Variants in DAB2 observed in about 807,000 individuals in gnomAD.
The protein encoded by DAB2 is DAB adaptor protein 2.
In DAB2, 28 loss-of-function variants were observed where a neutral mutation model predicts 71.6. The ratio of observed to expected loss-of-function variants is 0.39; its 90% CI spans 0.29 to 0.54. DAB2 has a LOEUF of 0.54. Among genes scored for constraint, DAB2 ranks in the 20% least tolerant of loss-of-function variants. The pLI is 0.68. For synonymous variants in DAB2, 345 were observed against 339.7 expected (o/e 1.02, Z -0.17); for missense variants, 867 against 928.8 (o/e 0.93, Z 0.86).
chr5:39,406,883 G>T (rs901960327), intron 1 of DAB2, among the ~76,000 whole-genome samples: 2 of 152,190 alleles, frequency 1.3e-5, no homozygotes, highest in Middle Eastern at 3.4e-3. Flanking sequence ...GAAACCTCTA[G>T]AATTTTTCTA....
At chr5:39,410,182 A>G (rs536974630) in intron 1 of DAB2, among the ~76,000 whole-genome samples, 1 of 152,134 alleles carries the variant, frequency 6.6e-6, no homozygotes, top group Non-Finnish European at 1.5e-5. Context: ...TAGAAAAGCT[A>G]CCTGGTTATG....
chr5:39,392,153 T>G, intron 4 of DAB2: 1 of 501,362 alleles, frequency 2.0e-6, no homozygotes, highest in Non-Finnish European at 3.6e-6. Flanking sequence ...CAGACTTAGA[T>G]TCACATTTAT....
Position 39,388,344 on chromosome 5 carries a change from A to C in DAB2, c.648T>G (p.Phe216Leu). ...LKSGVDQMDL[F>L]GDMSTPPDLN... Reference sequence around the variant, plus strand: ...GGTCAGGAGGTGTAGACATGTCCCCAAACAAATCCATCTGGTCAACACCCT... The same window carrying C: ...GGTCAGGAGGTGTAGACATGTCCCCCAACAAATCCATCTGGTCAACACCCT... Residue 216 changes from phenylalanine (F) to leucine (L), a missense_variant, in exon 9 of 15, where the codon TTT becomes TTG. Physicochemically the swap from Phe to Leu is conservative, Grantham distance 22 (BLOSUM62 0). Transcript: ENST00000320816. 6.2e-7 allele frequency: 1 copy of C among 1,612,608 alleles called. No individual in the cohort carries two copies. Among genetic ancestry groups the C allele is most frequent in the Middle Eastern group, 1.7e-4 (1 of 6,048 alleles).
chr5:39,378,984 C>G (rs1021362894), intron 11 of DAB2, among the ~76,000 whole-genome samples: 1 of 152,148 alleles, frequency 6.6e-6, no homozygotes, highest in Non-Finnish European at 1.5e-5. Context: ...AAAGTTGTTG[C>G]TTGTATTTTA....
At chr5:39,420,379 T>C (rs1440753501) in intron 1 of DAB2, among the ~76,000 whole-genome samples, 1 of 152,218 alleles carries the variant, frequency 6.6e-6, no homozygotes, top group Non-Finnish European at 1.5e-5. Flanking sequence ...TCTTCTAGGT[T>C]GAAAGGTGCT....
chr5:39,388,110 A>G (rs1330069163), intron 9 of DAB2, 195 bp downstream of exon 9: 3 of 543,806 alleles, frequency 5.5e-6, no homozygotes, highest in Non-Finnish European at 9.8e-6. Context: ...CAATATTAAT[A>G]TAACTGAATT....
intron 11 of DAB2, among the ~76,000 whole-genome samples, chr5:39,380,086 C>G (rs1333907017): frequency 1.3e-5 from 2 of 152,186 alleles, no homozygotes; most frequent in Non-Finnish European, 2.9e-5. Flanking sequence ...ATTGCAAGCA[C>G]TCTGGTCTTC....
At chr5:39,417,845 C>A (rs1217123581) in intron 1 of DAB2, 1 of 152,134 alleles carries the variant, frequency 6.6e-6, no homozygotes. Flanking sequence ...TAGAAGACAG[C>A]GTGGACATTA....
intron 1 of DAB2, among the ~76,000 whole-genome samples, chr5:39,407,353 G>T (rs910666560): frequency 1.3e-5 from 2 of 152,144 alleles, no homozygotes; most frequent in African/African-American, 4.8e-5. Flanking sequence ...CTGAGAAGTC[G>T]GGACTACAGG....
At chr5:39,404,826 G>C (rs80070576) in intron 1 of DAB2, among the ~76,000 whole-genome samples, 1 of 152,140 alleles carries the variant, frequency 6.6e-6, no homozygotes, top group African/African-American at 2.4e-5. Flanking sequence ...CAATCCACCC[G>C]CCTCGGCCTC....
chr5:39,420,316 G>A (rs1298424170), intron 1 of DAB2, among the ~76,000 whole-genome samples: 10 of 152,184 alleles, frequency 6.6e-5, no homozygotes, highest in African/African-American at 2.4e-4. Flanking sequence ...GGTAGCAATA[G>A]GGTAGTTTTT....
intron 6 of DAB2, 29 bp downstream of exon 6, chr5:39,389,823 T>G (rs757378109): frequency 5.2e-6 from 7 of 1,337,350 alleles, no homozygotes; most frequent in Non-Finnish European, 7.4e-6. Context: ...GTTTTAAATT[T>G]AATAGAGCCT....
intron 1 of DAB2, 22 bp from the exon 2 acceptor site, chr5:39,394,443 A>T: frequency 1.4e-6 from 1 of 739,176 alleles, no homozygotes; most frequent in Non-Finnish European, 2.4e-6. Flanking sequence ...GTTTAGAGGC[A>T]TATTGAGATC....
intron 1 of DAB2, among the ~76,000 whole-genome samples, chr5:39,401,181 G>A (rs1308084202): frequency 1.3e-5 from 2 of 152,190 alleles, no homozygotes; most frequent in East Asian, 3.9e-4. Context: ...CTGTTTCACT[G>A]AGGAATGAGA....
At chr5:39,413,178 G>T (rs1755770944) in intron 1 of DAB2, among the ~76,000 whole-genome samples, 1 of 152,132 alleles carries the variant, frequency 6.6e-6, no homozygotes, top group African/African-American at 2.4e-5. Flanking sequence ...CAGTTGCACA[G>T]ACTTGCCCTT....
chr5:39,380,743 C>A (rs1431809677), intron 11 of DAB2, among the ~76,000 whole-genome samples: 1 of 152,184 alleles, frequency 6.6e-6, no homozygotes, highest in African/African-American at 2.4e-5. Flanking sequence ...TTAAGAGCGT[C>A]AATGCATACT....
At chr5:39,405,195 T>C (rs1755585768) in intron 1 of DAB2, among the ~76,000 whole-genome samples, 1 of 152,210 alleles carries the variant, frequency 6.6e-6, no homozygotes, top group East Asian at 1.9e-4. Flanking sequence ...AAGAGAGCAG[T>C]GTCAGAATGT....
intron 9 of DAB2, among the ~76,000 whole-genome samples, chr5:39,387,040 C>T (rs748600732): frequency 6.6e-6 from 1 of 152,162 alleles, no homozygotes; most frequent in Non-Finnish European, 1.5e-5. Flanking sequence ...AAACAGGCTT[C>T]TCTCTTAAAG....
intron 1 of DAB2, among the ~76,000 whole-genome samples, chr5:39,420,495 C>G (rs749197142): frequency 1.5e-4 from 23 of 152,136 alleles, no homozygotes; most frequent in Non-Finnish European, 3.1e-4. Flanking sequence ...TTACCTTCAA[C>G]GTAACACTCA....
Sources: gnomAD v4.1 joint callset for allele counts (sites outside exome capture counted in the v4.1 genomes callset) on GRCh38, gnomAD v4.1.1 for gene constraint, MANE v1.5 for transcripts, NCBI Gene and HGNC (gene_info 2026-07-23, HGNC 2026-07-21) for gene names.